The following RALGAPA2 variants were observed in gnomAD, a reference collection of about 807,000 sequenced individuals.
RALGAPA2 encodes the protein ral GTPase-activating protein subunit alpha-2.
A neutral mutation model predicts 230.4 loss-of-function variants in RALGAPA2; 139 were observed. The observed-to-expected ratio is 0.60, with a 90% CI of 0.53 to 0.69. The LOEUF is 0.69. Ranked by LOEUF, RALGAPA2 falls within the 30% of genes least tolerant of loss-of-function variation. The pLI is 0.00. For synonymous variants in RALGAPA2, 847 were observed against 837.8 expected (o/e 1.01, Z -0.19); for missense variants, 2,163 against 2,276.0 (o/e 0.95, Z 1.01).
At chr20:20,549,180 T>C (rs2063854600) in intron 23 of RALGAPA2, among the ~76,000 whole-genome samples, 1 of 152,212 alleles carries the variant, frequency 6.6e-6, no homozygotes, top group African/African-American at 2.4e-5. Context: ...AACTAAATCC[T>C]TTAACAAGCT....
intron 18 of RALGAPA2, 25 bp downstream of exon 18, chr20:20,589,242 AC>A: frequency 6.5e-7 from 1 of 1,531,322 alleles, no homozygotes; most frequent in Non-Finnish European, 8.8e-7. Flanking sequence ...TTAATGACAA[AC>A]TGAAATGGCT....
At chr20:20,490,089 T>A (rs1457528424) in intron 36 of RALGAPA2, among the ~76,000 whole-genome samples, 1 of 152,370 alleles carries the variant, frequency 6.6e-6, no homozygotes, top group East Asian at 1.9e-4. Flanking sequence ...TAAGAGCTAA[T>A]AATAGTAGGC....
intron 13 of RALGAPA2, among the ~76,000 whole-genome samples, chr20:20,612,439 T>C (rs566118859): frequency 1.6e-4 from 24 of 152,346 alleles, no homozygotes; most frequent in South Asian, 1.0e-3. Flanking sequence ...CTCTAAATCA[T>C]AGTTCCCGTT....
intron 4 of RALGAPA2, among the ~76,000 whole-genome samples, chr20:20,650,258 T>C (rs2067353363): frequency 6.6e-6 from 1 of 152,164 alleles, no homozygotes; most frequent in African/African-American, 2.4e-5. Context: ...TTAAAAGCAG[T>C]TTTAAGAGAA....
chr20:20,638,323 T>A (rs2066925674), intron 7 of RALGAPA2, among the ~76,000 whole-genome samples: 1 of 152,176 alleles, frequency 6.6e-6, no homozygotes, highest in Non-Finnish European at 1.5e-5. Context: ...CTTCCTGACA[T>A]GCCCACTTAG....
At chr20:20,418,332 T>C (rs6046843) in intron 37 of RALGAPA2, among the ~76,000 whole-genome samples, 101,245 of 152,056 alleles carry the variant, frequency 0.67, 33,903 homozygotes, top group African/African-American at 0.76. Flanking sequence ...AAACACAGAA[T>C]ATGTAATAAT....
intron 23 of RALGAPA2, among the ~76,000 whole-genome samples, chr20:20,562,894 G>C (rs934172444): frequency 6.6e-6 from 1 of 152,176 alleles, no homozygotes; most frequent in African/African-American, 2.4e-5. Flanking sequence ...TCTATCTGAA[G>C]TCTTTATGGC....
intron 3 of RALGAPA2, among the ~76,000 whole-genome samples, chr20:20,662,513 A>G (rs1166043074): frequency 2.0e-5 from 3 of 152,226 alleles, no homozygotes; most frequent in Admixed American, 6.5e-5. Flanking sequence ...AGTTTTATTA[A>G]GGAAGAAATC....
Position 20,392,652 on chromosome 20 carries a change from A to T in RALGAPA2, c.*637T>A, listed in dbSNP as rs1474461930. ...CAGGTACCATGTGGGAAAACACTGG[A>T]CAACTGAGGTAAAACTTCTCCTGGG... On this transcript the variant is annotated 3_prime_UTR_variant, in exon 40 of 40. Coordinates refer to ENST00000202677, the MANE Select transcript of RALGAPA2 (RefSeq NM_020343.4). The T allele has an allele frequency of 6.1e-6, 1 of 163,734 alleles. No homozygotes were observed. Among genetic ancestry groups the T allele is most frequent in the African/African-American group, 2.4e-5 (1 of 41,514 alleles). The allele number at this position is 163,734 out of a possible 1,614,324, so 10.1% of individuals were successfully genotyped here. A position where few individuals can be genotyped will look rare whatever the true frequency, so the allele number is the denominator to read the frequency against.
intron 16 of RALGAPA2, among the ~76,000 whole-genome samples, chr20:20,600,957 G>A (rs936587228): frequency 3.3e-5 from 5 of 152,166 alleles, no homozygotes; most frequent in Admixed American, 6.5e-5. Flanking sequence ...AAAATTAGCC[G>A]GGCGTCGTGG....
intron 28 of RALGAPA2, 41 bp from the exon 29 acceptor site, chr20:20,524,939 G>T: frequency 6.6e-7 from 1 of 1,518,892 alleles, no homozygotes; most frequent in Non-Finnish European, 8.9e-7. Flanking sequence ...GACCATATTT[G>T]TAAGCCTTTG....
chr20:20,542,618 C>CCTCTG (rs1411995202), intron 24 of RALGAPA2, among the ~76,000 whole-genome samples: 1 of 152,078 alleles, frequency 6.6e-6, no homozygotes, highest in Non-Finnish European at 1.5e-5. Flanking sequence ...CATCAACAAC[C>CCTCTG]ATCTGATCTT....
At chr20:20,626,885 G>A (rs73901547) in intron 10 of RALGAPA2, among the ~76,000 whole-genome samples, 3,314 of 152,222 alleles carry the variant, frequency 0.022, 129 homozygotes, top group African/African-American at 0.076. Flanking sequence ...AGAGACGTAC[G>A]ATCCACGAGG....
At chr20:20,599,298 T>G (rs2065561145) in intron 16 of RALGAPA2, among the ~76,000 whole-genome samples, 1 of 152,150 alleles carries the variant, frequency 6.6e-6, no homozygotes, top group Admixed American at 6.5e-5. Context: ...CACATAAAAG[T>G]CAAGTTGAAC....
At chr20:20,709,885 G>A (rs932804545) in intron 1 of RALGAPA2, among the ~76,000 whole-genome samples, 3 of 152,068 alleles carry the variant, frequency 2.0e-5, no homozygotes, top group Non-Finnish European at 2.9e-5. Context: ...TAAGAAAGAC[G>A]GAGAAAAATT....
intron 18 of RALGAPA2, among the ~76,000 whole-genome samples, chr20:20,587,577 A>G (rs967813048): frequency 6.6e-6 from 1 of 152,140 alleles, no homozygotes; most frequent in East Asian, 1.9e-4. Context: ...TATAAATATA[A>G]TATTTTTATT....
chr20:20,510,269 ATATGACT>A (rs1413668099), intron 33 of RALGAPA2, among the ~76,000 whole-genome samples: 1 of 152,216 alleles, frequency 6.6e-6, no homozygotes, highest in Non-Finnish European at 1.5e-5. Flanking sequence ...AAATTCTAAG[ATATGACT>A]TTGTCAAGAT....
At chr20:20,610,793 G>C (rs1215219062) in intron 14 of RALGAPA2, among the ~76,000 whole-genome samples, 1 of 152,034 alleles carries the variant, frequency 6.6e-6, no homozygotes, top group Non-Finnish European at 1.5e-5. Context: ...ATCTGTCAAA[G>C]CCCATGGTCA....
chr20:20,708,672 A>G (rs2069709399), intron 1 of RALGAPA2, among the ~76,000 whole-genome samples: 1 of 152,236 alleles, frequency 6.6e-6, no homozygotes, highest in Non-Finnish European at 1.5e-5. Flanking sequence ...GAGTGAGAAC[A>G]GACTACTACA....
Sources: allele counts gnomAD v4.1 joint callset (sites outside exome capture counted in the v4.1 genomes callset), GRCh38; gene constraint gnomAD v4.1.1; transcripts MANE v1.5; gene names NCBI Gene and HGNC (gene_info 2026-07-23, HGNC 2026-07-21).